Variants in P2RY14 observed in about 807,000 individuals in gnomAD.
The protein encoded by P2RY14 is P2Y purinoceptor 14.
In P2RY14, 2 loss-of-function variants were observed where a neutral mutation model predicts 0.9. The observed-to-expected ratio is 2.16, with a 90% CI of 0.88 to 6.79. P2RY14 has a LOEUF of 6.79. Among genes scored for constraint, P2RY14 ranks in the 30% most tolerant of loss-of-function variants. The probability of loss-of-function intolerance (pLI) is 0.05; values close to 1 mark genes in which losing one functional copy is unlikely to be tolerated. For synonymous variants in P2RY14, 158 were observed against 147.2 expected, an observed-to-expected ratio of 1.07 and a Z score of -0.53; for missense variants, 378 against 400.1, an observed-to-expected ratio of 0.94 and a Z score of 0.47.
At chr3:151,247,022 C>CA (rs1735695346) in intron 1 of P2RY14, among the ~76,000 whole-genome samples, 1 of 151,068 alleles carries the variant, frequency 6.6e-6, no homozygotes, top group Admixed American at 6.6e-5. Flanking sequence ...TGAAAAAATC[C>CA]TCACTGGCAT....
chr3:151,264,903 C>T (rs1739547701), intron 1 of P2RY14, among the ~76,000 whole-genome samples: 1 of 152,056 alleles, frequency 6.6e-6, no homozygotes. Context: ...CTGCCTTGCC[C>T]TTCTCTTGTA....
chr3:151,231,423 A>G (rs4680256), intron 1 of P2RY14, among the ~76,000 whole-genome samples: 46,293 of 152,184 alleles, frequency 0.3, 7,173 homozygotes, highest in South Asian at 0.33. Flanking sequence ...TGAATGATCC[A>G]ACTTACCAAA....
At chr3:151,272,943 G>C (rs968680339) in intron 1 of P2RY14, among the ~76,000 whole-genome samples, 1 of 152,130 alleles carries the variant, frequency 6.6e-6, no homozygotes, top group Non-Finnish European at 1.5e-5. Context: ...AAAATCTGAA[G>C]TCCGAAGTGC....
At chr3:151,255,865 C>T (rs1327606586) in intron 1 of P2RY14, among the ~76,000 whole-genome samples, 1 of 152,190 alleles carries the variant, frequency 6.6e-6, no homozygotes, top group Non-Finnish European at 1.5e-5. Context: ...AATGTAATCT[C>T]TCTCAATCTG....
chr3:151,239,668 C>T (rs1346756358), intron 1 of P2RY14, among the ~76,000 whole-genome samples: 2 of 152,102 alleles, frequency 1.3e-5, no homozygotes, highest in South Asian at 2.1e-4. Context: ...CTTTGAGGTC[C>T]TCAGTAATTT....
chr3:151,224,809 T>C (rs1373169151), intron 1 of P2RY14, among the ~76,000 whole-genome samples: 2 of 152,206 alleles, frequency 1.3e-5, no homozygotes, highest in Admixed American at 1.3e-4. Flanking sequence ...TTTGCAGCAT[T>C]TGATATCATT....
chr3:151,249,968 T>C (rs888718191), intron 1 of P2RY14, among the ~76,000 whole-genome samples: 5 of 152,188 alleles, frequency 3.3e-5, no homozygotes, highest in African/African-American at 1.2e-4. Context: ...AGAGGCATGC[T>C]CACGATCAAT....
intron 1 of P2RY14, among the ~76,000 whole-genome samples, chr3:151,247,361 G>T (rs575510628): frequency 6.6e-6 from 1 of 152,016 alleles, no homozygotes; most frequent in Non-Finnish European, 1.5e-5. Flanking sequence ...TTGGAACCAA[G>T]CCAAATGTCC....
intron 1 of P2RY14, among the ~76,000 whole-genome samples, chr3:151,259,344 G>T (rs1738439564): frequency 6.6e-6 from 1 of 152,154 alleles, no homozygotes; most frequent in Non-Finnish European, 1.5e-5. Flanking sequence ...TCTGATCTGA[G>T]GTACAGAACC....
chr3:151,243,433 C>T (rs916115686), intron 1 of P2RY14, among the ~76,000 whole-genome samples: 3 of 151,966 alleles, frequency 2.0e-5, no homozygotes, highest in Non-Finnish European at 4.4e-5. Flanking sequence ...AGAAACCCTA[C>T]AAGCCAGAAG....
At chr3:151,259,000 C>G (rs111828530) in intron 1 of P2RY14, among the ~76,000 whole-genome samples, 1 of 152,132 alleles carries the variant, frequency 6.6e-6, no homozygotes, top group South Asian at 2.1e-4. Context: ...AGTGGTGCTG[C>G]ACACACATAT....
intron 1 of P2RY14, among the ~76,000 whole-genome samples, chr3:151,224,029 C>G (rs968719016): frequency 6.6e-6 from 1 of 152,192 alleles, no homozygotes; most frequent in South Asian, 2.1e-4. Flanking sequence ...CCTAATATTA[C>G]TGCCTATTAA....
At chr3:151,253,339 AC>A (rs1737197553) in intron 1 of P2RY14, among the ~76,000 whole-genome samples, 1 of 152,150 alleles carries the variant, frequency 6.6e-6, no homozygotes, top group Non-Finnish European at 1.5e-5. Context: ...TTCCGCTCTT[AC>A]CCCTCACTCC....
At chr3:151,251,594 A>C (rs941223665) in intron 1 of P2RY14, among the ~76,000 whole-genome samples, 9 of 152,180 alleles carry the variant, frequency 5.9e-5, no homozygotes, top group Admixed American at 5.9e-4. Flanking sequence ...TGTTTAATTC[A>C]GTAGAGTGCT....
At chr3:151,245,845 C>A (rs1260114444) in intron 1 of P2RY14, among the ~76,000 whole-genome samples, 1 of 150,872 alleles carries the variant, frequency 6.6e-6, no homozygotes, top group African/African-American at 2.4e-5. Flanking sequence ...TGTTTGCAGA[C>A]GACATGATTG....
intron 1 of P2RY14, among the ~76,000 whole-genome samples, chr3:151,240,210 A>G (rs1274499674): frequency 2.0e-5 from 3 of 151,936 alleles, no homozygotes; most frequent in Non-Finnish European, 4.4e-5. Context: ...GGCCTGTGTC[A>G]ATAGATGTTC....
chr3:151,218,859 T>C (rs1728755448), intron 2 of P2RY14, among the ~76,000 whole-genome samples: 1 of 89,430 alleles, frequency 1.1e-5, no homozygotes, highest in African/African-American at 4.3e-5. Context: ...AGAGCAAGAC[T>C]CAGTCTCAAA....
chr3:151,233,223 G>A (rs1271751288), intron 1 of P2RY14, among the ~76,000 whole-genome samples: 1 of 152,184 alleles, frequency 6.6e-6, no homozygotes, highest in African/African-American at 2.4e-5. Flanking sequence ...GCACTCTCGT[G>A]CCCTCTGAGT....
chr3:151,273,492 C>T lies in P2RY14; in HGVS notation c.-133+4795G>A, dbSNP rs142512574. Among the ~76,000 whole-genome samples, 79 of 151,064 alleles carry T rather than the reference C, an allele frequency of 5.2e-4. 1 individual carries two copies. Among genetic ancestry groups the T allele is most frequent in the East Asian group, 9.7e-4 (5 of 5,134 alleles). ...TTCTGACCTTGTGATCTGCCCACCT[C>T]GGCCTCCCAAAGTGTTGGGATTACA... On this transcript the variant is annotated intron_variant, in intron 1 of 2. Transcript: ENST00000309170.
Sources: allele counts gnomAD v4.1 joint callset (sites outside exome capture counted in the v4.1 genomes callset), GRCh38; gene constraint gnomAD v4.1.1; transcripts MANE v1.5; gene names NCBI Gene and HGNC (gene_info 2026-07-23, HGNC 2026-07-21).